MOCOS: variants seen among roughly 807,000 people sequenced by gnomAD.
MOCOS encodes the protein molybdenum cofactor sulfurase, also known as human molybdenum cofactor sulfurase.
A neutral mutation model predicts 83.6 loss-of-function variants in MOCOS; 86 were observed. That is an observed-to-expected ratio of 1.03 (90% CI 0.86 to 1.23). The LOEUF (loss-of-function observed/expected upper bound fraction) is 1.23, where lower values mean the gene tolerates loss of function less well. Ranked by LOEUF, MOCOS falls within the 50% of genes most tolerant of loss-of-function variation. MOCOS has a pLI of 0.00. For synonymous variants in MOCOS, 445 were observed against 434.7 expected (o/e 1.02, Z -0.29); for missense variants, 1,120 against 1,126.9 (o/e 0.99, Z 0.09).
rs116296982 is a variant in MOCOS, at chr18:36,191,630, G to A, written c.143-3627G>A. On this transcript the variant is annotated intron_variant, in intron 1 of 14. Coordinates refer to ENST00000261326, the MANE Select transcript of MOCOS (RefSeq NM_017947.4). ...GGCTATTTATTTCTATAGAGATGGG[G>A]TCTCACATGTTGCTTATGCTGGTCT... is the stretch of plus-strand genomic sequence containing the variant. 5.7e-3 allele frequency among the ~76,000 whole-genome samples: 861 copies of A among 152,272 alleles called. 10 individuals carry two copies. The highest frequency in any genetic ancestry group is 0.02 in the African/African-American group (817 of 41,552).
In MOCOS at chr18:36,256,960, AT is replaced by A. The variant is rs111795309; in HGVS notation, c.2165-4del. ...CAACTCTTCTTTTAAATGCTCCATC[AT>A]TTTCAGATCAACTTCCTGGTACAAT... On this transcript the variant is annotated splice_polypyrimidine_tract_variant and splice_region_variant and intron_variant, in intron 11 of 14. Coordinates refer to ENST00000261326, the MANE Select transcript of MOCOS (RefSeq NM_017947.4). 6.2e-7 allele frequency: 1 copy of A among 1,609,650 alleles called. No individual in the cohort carries two copies. The highest frequency in any genetic ancestry group is 1.7e-4 in the Middle Eastern group (1 of 6,046).
At chr18:36,225,572 T>C (rs971110924) in intron 9 of MOCOS, among the ~76,000 whole-genome samples, 1 of 152,196 alleles carries the variant, frequency 6.6e-6, no homozygotes, top group African/African-American at 2.4e-5. Context: ...TCTTTGTTGT[T>C]TCATTCCTTG....
At chr18:36,235,423 T>A (rs1203916871) in intron 9 of MOCOS, among the ~76,000 whole-genome samples, 1 of 129,608 alleles carries the variant, frequency 7.7e-6, no homozygotes. Context: ...AGAATGATGA[T>A]TTCCAATTTC....
chr18:36,266,689 T>A, intron 13 of MOCOS, 60 bp from the exon 14 acceptor site: 1 of 1,428,436 alleles, frequency 7.0e-7, no homozygotes, highest in Non-Finnish European at 9.8e-7. Flanking sequence ...TTCCTCCCTC[T>A]GAGGTGCAAG....
At chr18:36,221,958 CA>C (rs1443593321) in intron 9 of MOCOS, among the ~76,000 whole-genome samples, 1 of 152,134 alleles carries the variant, frequency 6.6e-6, no homozygotes, top group Non-Finnish European at 1.5e-5. Flanking sequence ...CTCCCGACCT[CA>C]GGTGATCTGC....
In MOCOS at chr18:36,266,867, C is replaced by G; in HGVS notation, c.2514+14C>G. On this transcript the variant is annotated intron_variant, in intron 14 of 14. Transcript: ENST00000261326. Reference sequence around the variant, plus strand: ...CGTGAAACAAAGGTAAGCGTGATTGCAAAATATGACACCTGGTTTCCAATC... The same window carrying G: ...CGTGAAACAAAGGTAAGCGTGATTGGAAAATATGACACCTGGTTTCCAATC... 1 of 1,586,476 alleles carries G rather than the reference C, an allele frequency of 6.3e-7. No individual in the cohort carries two copies. Among genetic ancestry groups the G allele is most frequent in the East Asian group, 2.2e-5 (1 of 44,726 alleles).
At position 36,189,444 on chromosome 18, in the gene MOCOS, CAGAG is replaced by C. The variant is rs796154030; in HGVS notation, c.142+1768_142+1771del. 2.1e-3 allele frequency among the ~76,000 whole-genome samples: 316 copies of C among 150,940 alleles called. 1 individual carries two copies. The highest frequency in any genetic ancestry group is 7.1e-3 in the African/African-American group (293 of 41,356). ...ACTTGTTTTTCTCCTAGAAACAAGA[CAGAG>C]AGAGGGCGGGAAAAAACAAACCAAA... On this transcript the variant is annotated intron_variant, in intron 1 of 14. Coordinates refer to ENST00000261326, the MANE Select transcript of MOCOS (RefSeq NM_017947.4).
At chr18:36,253,662 CTCA>C (rs1189875269) in intron 11 of MOCOS, among the ~76,000 whole-genome samples, 1 of 142,978 alleles carries the variant, frequency 7.0e-6, no homozygotes, top group Non-Finnish European at 1.5e-5. Flanking sequence ...AAGACTCTGT[CTCA>C]AAAAAAAAAA....
chr18:36,220,298 G>A, intron 9 of MOCOS, 81 bp downstream of exon 9: 4 of 1,521,360 alleles, frequency 2.6e-6, no homozygotes, highest in Non-Finnish European at 3.6e-6. Flanking sequence ...CCAAGTGTTA[G>A]AATAACCCAT....
intron 2 of MOCOS, among the ~76,000 whole-genome samples, chr18:36,196,773 G>A (rs559639983): frequency 1.2e-4 from 19 of 152,034 alleles, no homozygotes; most frequent in Non-Finnish European, 2.5e-4. Context: ...AAGCCAAGCA[G>A]AGGAAAGGCA....
Position 36,271,347 on chromosome 18 carries a change from TATTA to T in MOCOS, c.*2668_*2671del, listed in dbSNP as rs905826400. 6.6e-6 allele frequency: 1 copy of T among 152,100 alleles called. No individual in the cohort carries two copies. The highest frequency in any genetic ancestry group is 1.5e-5 in the Non-Finnish European group (1 of 68,002). The allele number at this position is 152,100 out of a possible 1,614,324, so 9.4% of individuals were successfully genotyped here. On this transcript the variant is annotated 3_prime_UTR_variant, in exon 15 of 15. Transcript: ENST00000261326. ...CTATTTTTATCATTAATTGATTGAA[TATTA>T]ATTAAATATATTTTATTAATTTAAA...
At position 36,216,038 on chromosome 18, in the gene MOCOS, TA is replaced by T. The variant is rs150031295; in HGVS notation, c.1797+64del. 5,173 of 1,489,194 alleles carry T rather than the reference TA, an allele frequency of 3.5e-3. 163 individuals carry two copies. The African/African-American group carries it at 0.064, about 18-fold the overall frequency. The allele number at this position is 1,489,194 out of a possible 1,614,324, so 92.2% of individuals were successfully genotyped here. A position where few individuals can be genotyped will look rare whatever the true frequency, so the allele number is the denominator to read the frequency against. The stretch of plus-strand genomic sequence containing the variant: ...TTTGTTTACTCTCTCTATTTTTTGA[TA>T]AAGTGAAGAAAAGCATGAAAAAAAT... On this transcript the variant is annotated intron_variant, in intron 8 of 14. Transcript: ENST00000261326.
chr18:36,205,631 CA>C (rs1270816296), intron 6 of MOCOS, among the ~76,000 whole-genome samples: 1 of 152,176 alleles, frequency 6.6e-6, no homozygotes, highest in Admixed American at 6.5e-5. Context: ...CACAGATGGA[CA>C]ACAGGAACCA....
chr18:36,252,057 G>A (rs2091624093), intron 11 of MOCOS, among the ~76,000 whole-genome samples: 1 of 152,024 alleles, frequency 6.6e-6, no homozygotes, highest in South Asian at 2.1e-4. Flanking sequence ...ATCTCTATGA[G>A]GATAGGGATT....
At chr18:36,238,031 T>C (rs1454314461) in intron 9 of MOCOS, among the ~76,000 whole-genome samples, 1 of 151,954 alleles carries the variant, frequency 6.6e-6, no homozygotes, top group Non-Finnish European at 1.5e-5. Context: ...TCTTTTCTTC[T>C]TTATTAGTCT....
intron 5 of MOCOS, among the ~76,000 whole-genome samples, chr18:36,203,677 C>T (rs1715539709): frequency 6.6e-6 from 1 of 152,260 alleles, no homozygotes; most frequent in Non-Finnish European, 1.5e-5. Flanking sequence ...AGCACCCAAC[C>T]ACTGTGTCTG....
At chr18:36,223,329 C>G (rs1186676691) in intron 9 of MOCOS, among the ~76,000 whole-genome samples, 1 of 152,184 alleles carries the variant, frequency 6.6e-6, no homozygotes, top group African/African-American at 2.4e-5. Context: ...TTTCCCAACA[C>G]CATTTGTTGA....
intron 13 of MOCOS, among the ~76,000 whole-genome samples, chr18:36,265,960 G>A (rs1196306159): frequency 6.6e-6 from 1 of 152,122 alleles, no homozygotes; most frequent in East Asian, 1.9e-4. Flanking sequence ...CGTTAATGAT[G>A]TTAACAAGTT....
In MOCOS at chr18:36,215,794, C is replaced by T. The variant is rs771400935; in HGVS notation, c.1614C>T (p.Gly538=). The change falls in exon 8 of 15, where the codon GGC becomes GGT. Residue 538 remains glycine, a synonymous_variant. Transcript: ENST00000261326. ...SLSPQEDALT[G]SRVWNNSSTV... ...CGCCTCAGGAAGATGCCCTCACAGG[C>T]TCCAGGGTTTGGAACAACTCGTCTA... is the stretch of plus-strand genomic sequence containing the variant. 5.6e-6 allele frequency: 9 copies of T among 1,614,238 alleles called. No homozygotes were observed. The highest frequency in any genetic ancestry group is 7.6e-6 in the Non-Finnish European group (9 of 1,180,054).
Sources: allele counts gnomAD v4.1 joint callset (sites outside exome capture counted in the v4.1 genomes callset), GRCh38; gene constraint gnomAD v4.1.1; transcripts MANE v1.5; gene names NCBI Gene and HGNC (gene_info 2026-07-23, HGNC 2026-07-21).